BMP6: variants seen among roughly 807,000 people sequenced by gnomAD.
The protein encoded by BMP6 is bone morphogenetic protein 6.
In BMP6, 17 loss-of-function variants were observed where a neutral mutation model predicts 54.1. The ratio of observed to expected loss-of-function variants is 0.31; its 90% CI spans 0.22 to 0.47. The LOEUF (loss-of-function observed/expected upper bound fraction) is 0.47. Among genes scored for constraint, BMP6 ranks in the 20% least tolerant of loss-of-function variants. BMP6 has a pLI of 1.00. For synonymous variants in BMP6, 328 were observed against 291.2 expected, an observed-to-expected ratio of 1.13 and a Z score of -1.28; for missense variants, 720 against 690.4, an observed-to-expected ratio of 1.04 and a Z score of -0.48.
At position 7,880,694 on chromosome 6, in the gene BMP6, T is replaced by G; in HGVS notation, c.*351T>G. 3.3e-6 allele frequency: 1 copy of G among 305,318 alleles called. No homozygotes were observed. The highest frequency in any genetic ancestry group is 4.3e-5 in the South Asian group (1 of 23,416). The allele number at this position is 305,318 out of a possible 1,614,324, so 18.9% of individuals were successfully genotyped here. A position where few individuals can be genotyped will look rare whatever the true frequency, so the allele number is the denominator to read the frequency against. ...GCTATTTGGGGTGTTTGTTAGTAAA[T>G]AGGGAAAATAATCTCAAAGGAGTTA... On this transcript the variant is annotated 3_prime_UTR_variant, in exon 7 of 7. Coordinates refer to ENST00000283147, the MANE Select transcript of BMP6 (RefSeq NM_001718.6).
intron 4 of BMP6, among the ~76,000 whole-genome samples, chr6:7,865,741 CT>C (rs1759411351): frequency 6.6e-6 from 1 of 152,142 alleles, no homozygotes; most frequent in Non-Finnish European, 1.5e-5. Flanking sequence ...GCTTGTAAAT[CT>C]TTTGGAAGTT....
Position 7,878,895 on chromosome 6 carries a change from G to A in BMP6, c.1205-179G>A, listed in dbSNP as rs367709034. On this transcript the variant is annotated intron_variant, in intron 4 of 6. Coordinates refer to ENST00000283147, the MANE Select transcript of BMP6 (RefSeq NM_001718.6). The stretch of plus-strand genomic sequence containing the variant: ...CCCCAGGGTAGACAAAACGGATTCC[G>A]TAAGACATTCAAGCCAACAGTCAGG... 1.6e-3 allele frequency among the ~76,000 whole-genome samples: 249 copies of A among 152,280 alleles called. 9 individuals are homozygous for A. In the South Asian group the frequency reaches 0.042, roughly 26 times the overall value.
At chr6:7,861,345 A>G in intron 2 of BMP6, 106 bp from the exon 3 acceptor site, 1 of 1,416,102 alleles carries the variant, frequency 7.1e-7, no homozygotes, top group Middle Eastern at 2.5e-4. Context: ...TCACAGGTAG[A>G]TGTGATCTGA....
chr6:7,788,888 T>A (rs911853741), intron 1 of BMP6, among the ~76,000 whole-genome samples: 27 of 138,246 alleles, frequency 2.0e-4, no homozygotes, highest in African/African-American at 6.5e-4. Flanking sequence ...TTTTTTTTTT[T>A]AAAGTGTTCT....
chr6:7,794,387 C>T (rs1421767137), intron 1 of BMP6, among the ~76,000 whole-genome samples: 1 of 152,084 alleles, frequency 6.6e-6, no homozygotes. Flanking sequence ...AGGAGGATCC[C>T]TTGAGCCTAA....
intron 4 of BMP6, among the ~76,000 whole-genome samples, chr6:7,863,002 GTTGT>G (rs1759361418): frequency 6.6e-6 from 1 of 151,934 alleles, no homozygotes; most frequent in South Asian, 2.1e-4. Context: ...TTTTGTTGTT[GTTGT>G]TTGTTTTTGG....
At chr6:7,748,258 A>T (rs1757374109) in intron 1 of BMP6, among the ~76,000 whole-genome samples, 1 of 152,080 alleles carries the variant, frequency 6.6e-6, no homozygotes, top group Non-Finnish European at 1.5e-5. Flanking sequence ...GGTTGGGAGG[A>T]TTGAGATAAT....
chr6:7,879,867 C>A, intron 5 of BMP6, 124 bp from the exon 6 acceptor site: 1 of 984,162 alleles, frequency 1.0e-6, no homozygotes, highest in Non-Finnish European at 1.5e-6. Flanking sequence ...ATTCCTAAGC[C>A]TTCCTGCGTC....
chr6:7,850,765 T>C (rs1289928917), intron 2 of BMP6, among the ~76,000 whole-genome samples: 9 of 152,206 alleles, frequency 5.9e-5, no homozygotes, highest in Non-Finnish European at 1.5e-5. Flanking sequence ...CTCAGCAGAA[T>C]GAGCTAAACT....
At chr6:7,787,270 T>C (rs1428181666) in intron 1 of BMP6, among the ~76,000 whole-genome samples, 1 of 152,212 alleles carries the variant, frequency 6.6e-6, no homozygotes, top group Non-Finnish European at 1.5e-5. Context: ...CTGAAAAATA[T>C]GCGTGAACTT....
At chr6:7,729,899 C>G (rs778829783) in intron 1 of BMP6, among the ~76,000 whole-genome samples, 1 of 152,134 alleles carries the variant, frequency 6.6e-6, no homozygotes, top group African/African-American at 2.4e-5. Context: ...TAAAGAGGAT[C>G]TCCCAACGTT....
intron 2 of BMP6, among the ~76,000 whole-genome samples, chr6:7,851,407 T>C (rs1020964521): frequency 2.6e-5 from 4 of 152,216 alleles, no homozygotes; most frequent in Admixed American, 2.6e-4. Flanking sequence ...AAATTGGTTT[T>C]TGCTCACATA....
chr6:7,727,541 G>A lies in BMP6; in HGVS notation c.586G>A (p.Gly196Ser). 6.3e-7 allele frequency: 1 copy of A among 1,595,062 alleles called. No homozygotes were observed. Residue 196 changes from glycine to serine, a missense_variant, in exon 1 of 7, where the codon GGC (glycine) becomes AGC (serine). Physicochemically the swap from Gly to Ser is moderately conservative, Grantham distance 56. Around this residue, in one of 3 missense-constraint regions of BMP6, gnomAD observed 650 missense variants for 556.3 expected, o/e 1.17. Transcript: ENST00000283147. ...SLLAPGSGSG[G>S]ASPLTSAQDS... ...TCTGGCCCCCGGATCTGGCAGCGGC[G>A]GCGCGTCCCCACTGACCAGCGCGCA...
intron 4 of BMP6, among the ~76,000 whole-genome samples, chr6:7,863,091 T>C (rs1759362768): frequency 1.3e-5 from 2 of 152,142 alleles, no homozygotes; most frequent in African/African-American, 2.4e-5. Context: ...CTCCGCCTCC[T>C]GGGTTCATGC....
intron 1 of BMP6, among the ~76,000 whole-genome samples, chr6:7,786,719 A>G (rs1758025679): frequency 6.6e-6 from 1 of 152,104 alleles, no homozygotes; most frequent in South Asian, 2.1e-4. Context: ...ACTTCATGAG[A>G]ATACACAGAA....
chr6:7,823,209 G>A (rs1758642730), intron 1 of BMP6, among the ~76,000 whole-genome samples: 1 of 152,108 alleles, frequency 6.6e-6, no homozygotes, highest in Admixed American at 6.5e-5. Context: ...CCGAATTGTG[G>A]ACTCTGCTTT....
intron 1 of BMP6, among the ~76,000 whole-genome samples, chr6:7,781,505 C>T (rs942218848): frequency 2.0e-5 from 3 of 151,450 alleles, no homozygotes; most frequent in African/African-American, 4.8e-5. Context: ...GTATGATGGC[C>T]TTTAGCATTT....
At chr6:7,807,430 G>A (rs1270910411) in intron 1 of BMP6, among the ~76,000 whole-genome samples, 2 of 152,006 alleles carry the variant, frequency 1.3e-5, no homozygotes, top group Non-Finnish European at 2.9e-5. Context: ...AGTAGCACAG[G>A]CCACCACACC....
chr6:7,781,072 C>T (rs1581244999), intron 1 of BMP6, among the ~76,000 whole-genome samples: 1 of 152,154 alleles, frequency 6.6e-6, no homozygotes, highest in South Asian at 2.1e-4. Flanking sequence ...TACAGTGCAT[C>T]GTGTTGCTGT....
Sources: gnomAD v4.1 joint callset for allele counts (sites outside exome capture counted in the v4.1 genomes callset) on GRCh38, gnomAD v4.1.1 for gene constraint, gnomAD v4.1.1 regional missense constraint, MANE v1.5 for transcripts, NCBI Gene and HGNC (gene_info 2026-07-23, HGNC 2026-07-21) for gene names.